CCT2: variants seen among roughly 807,000 people sequenced by gnomAD.
The protein encoded by CCT2 is T-complex protein 1 subunit beta.
CCT2 carries 18 observed loss-of-function variants against 61.8 expected under a neutral mutation model. The observed-to-expected ratio is 0.29, with a 90% confidence interval of 0.20 to 0.43. The LOEUF is 0.43. Among genes scored for constraint, CCT2 ranks in the 20% least tolerant of loss-of-function variants. The pLI is 1.00. For synonymous variants in CCT2, 248 were observed against 215.9 expected (o/e 1.15, Z -1.30); for missense variants, 556 against 656.9 (o/e 0.85, Z 1.68).
chr12:69,587,473 G>C (rs756967610), intron 3 of CCT2, 32 bp from the exon 4 acceptor site: 3 of 1,237,998 alleles, frequency 2.4e-6, no homozygotes, highest in African/African-American at 1.5e-5. Flanking sequence ...ATGTGCTTAT[G>C]TCTTAACTTG....
At chr12:69,597,068 C>A in intron 10 of CCT2, 88 bp from the exon 11 acceptor site, 1 of 1,186,168 alleles carries the variant, frequency 8.4e-7, no homozygotes, top group Non-Finnish European at 1.2e-6. Context: ...AAACACATTA[C>A]CTATCATTAT....
chr12:69,596,276 G>A (rs879119557), intron 10 of CCT2, among the ~76,000 whole-genome samples: 2 of 152,196 alleles, frequency 1.3e-5, no homozygotes, highest in Admixed American at 1.3e-4. Flanking sequence ...AAAGACCAGA[G>A]TCTTTATGAA....
chr12:69,586,381 CTG>C (rs1881657191), intron 2 of CCT2, 37 bp downstream of exon 2: 1 of 1,485,804 alleles, frequency 6.7e-7, no homozygotes, highest in African/African-American at 1.4e-5. Flanking sequence ...AAAGATAAAA[CTG>C]GAGGCCAGGC....
chr12:69,585,661 G>GCGGGGCGTGCGGCCTGCGC lies in CCT2; in HGVS notation c.3+139_3+157dup, dbSNP rs1327515565. ...CCTCCGCACATGGTGCGAGCCATGC[G>GCGGGGCGTGCGGCCTGCGC]CGGGGCGTGCGGCCTGCGCCAGGCC... On this transcript the variant is annotated intron_variant, in intron 1 of 15. Coordinates refer to ENST00000299300, the MANE Select transcript of CCT2 (RefSeq NM_006431.3). 4.6e-6 allele frequency: 7 copies of GCGGGGCGTGCGGCCTGCGC among 1,528,270 alleles called. No homozygotes were observed. In the African/African-American group the frequency reaches 8.2e-5, roughly 18 times the overall value. The allele number at this position is 1,528,270 out of a possible 1,614,324, so 94.7% of individuals were successfully genotyped here.
At chr12:69,589,243 A>G (rs1593095900) in intron 6 of CCT2, 3 of 518,624 alleles carry the variant, frequency 5.8e-6, no homozygotes, top group Admixed American at 3.4e-5. Flanking sequence ...CATTCTTGCC[A>G]ACATTAGACT....
chr12:69,586,783 G>T lies in CCT2; in HGVS notation c.109G>T (p.Asp37Tyr). 1 of 1,601,390 alleles carries T rather than the reference G, an allele frequency of 6.2e-7. No individual in the cohort carries two copies. Among genetic ancestry groups the T allele is most frequent in the Non-Finnish European group, 8.5e-7 (1 of 1,175,594 alleles). ...TSFIGAIAIG[D>Y]LVKSTLGPKG... Reference sequence around the variant, plus strand: ...TTTTATTGGTGCCATCGCCATTGGAGACTTGGTAAAGAGCACCTTGGGACC... The same window carrying T: ...TTTTATTGGTGCCATCGCCATTGGATACTTGGTAAAGAGCACCTTGGGACC... The change falls in exon 3 of 16, where the codon GAC (aspartate) becomes TAC (tyrosine). Residue 37 changes from aspartate (D) to tyrosine (Y), a missense_variant. Around this residue, in one of 3 missense-constraint regions of CCT2, gnomAD observed 308 missense variants for 350.6 expected, o/e 0.88. Transcript: ENST00000299300.
Position 69,587,982 on chromosome 12 carries a change from C to G in CCT2, c.309C>G (p.Thr103=), listed in dbSNP as rs773242699. Residue 103 remains threonine (T), a synonymous_variant, in exon 5 of 16, where the codon ACC becomes ACG. Transcript: ENST00000299300. Reference sequence around the variant, plus strand: ...TTGGTGATGGCACTACCTCTGTTACCGTTTTAGCAGCAGAATTATTAAGGG... The same window carrying G: ...TTGGTGATGGCACTACCTCTGTTACGGTTTTAGCAGCAGAATTATTAAGGG... ...DEVGDGTTSV[T]VLAAELLREA... The G allele has an allele frequency of 1.9e-6, 3 of 1,613,256 alleles. No individual in the cohort carries two copies. The African/African-American group carries it at 4.0e-5, about 22-fold the overall frequency.
intron 8 of CCT2, 46 bp from the exon 9 acceptor site, chr12:69,592,930 A>G (rs781530033): frequency 2.4e-5 from 38 of 1,592,312 alleles, no homozygotes; most frequent in Non-Finnish European, 3.1e-5. Flanking sequence ...TCAATCTCAA[A>G]AAAAATAATG....
At chr12:69,585,654 G>A in intron 1 of CCT2, 130 bp downstream of exon 1, 1 of 1,533,820 alleles carries the variant, frequency 6.5e-7, no homozygotes, top group Non-Finnish European at 8.8e-7. Context: ...CATGGTGCGA[G>A]CCATGCGCGG....
At chr12:69,594,168 T>TC (rs1309629524) in intron 10 of CCT2, among the ~76,000 whole-genome samples, 6 of 152,264 alleles carry the variant, frequency 3.9e-5, no homozygotes, top group African/African-American at 1.4e-4. Flanking sequence ...TATATTTTTT[T>TC]CTCACAAACC....
chr12:69,601,168 A>G, intron 15 of CCT2, 127 bp from the exon 16 acceptor site: 1 of 762,138 alleles, frequency 1.3e-6, no homozygotes, highest in South Asian at 1.9e-5. Flanking sequence ...GGGGACACAC[A>G]TGCAAACCAT....
At chr12:69,597,096 T>C in intron 10 of CCT2, 60 bp from the exon 11 acceptor site, 1 of 1,548,380 alleles carries the variant, frequency 6.5e-7, no homozygotes, top group Non-Finnish European at 8.9e-7. Flanking sequence ...TTACTGCTTA[T>C]TAGAAAACAG....
chr12:69,585,612 A>G (rs377616113), intron 1 of CCT2, 88 bp downstream of exon 1: 48 of 1,548,368 alleles, frequency 3.1e-5, no homozygotes, highest in Non-Finnish European at 4.0e-5. Flanking sequence ...CTAGGGTCGT[A>G]GGCTCCGTTT....
chr12:69,589,423 A>C, intron 6 of CCT2, 62 bp from the exon 7 acceptor site: 1 of 1,132,628 alleles, frequency 8.8e-7, no homozygotes, highest in Non-Finnish European at 1.3e-6. Flanking sequence ...TGACATGAAT[A>C]TCTAGATAAA....
At position 69,593,565 on chromosome 12, in the gene CCT2, A is replaced by G. The variant is rs751384274; in HGVS notation, c.934A>G (p.Ile312Val). ...QLFGAAGVMA[I>V]EHADFAGVER... is the part of the protein sequence containing the mutation. ...CTTTGGTGCTGCTGGTGTCATGGCT[A>G]TTGAGCATGCAGATTTTGCAGGTGT... The change falls in exon 10 of 16, where the codon ATT becomes GTT. Residue 312 changes from isoleucine (I) to valine (V), a missense_variant. Transcript: ENST00000299300. 3 of 1,613,482 alleles carry G rather than the reference A, an allele frequency of 1.9e-6. No individual in the cohort carries two copies. The highest frequency in any genetic ancestry group is 2.2e-5 in the East Asian group (1 of 44,852).
At chr12:69,598,248 G>A in intron 13 of CCT2, 74 bp from the exon 14 acceptor site, 3 of 1,168,544 alleles carry the variant, frequency 2.6e-6, no homozygotes, top group Non-Finnish European at 3.7e-6. Context: ...ATTTTAAAAA[G>A]CTATCCTAGT....
At chr12:69,587,903 G>T (rs756991900) in intron 4 of CCT2, 27 bp from the exon 5 acceptor site, 1 of 1,546,290 alleles carries the variant, frequency 6.5e-7, no homozygotes, top group Admixed American at 1.7e-5. Flanking sequence ...AAGCAATTTT[G>T]AGTTAATAAC....
At chr12:69,597,038 C>A in intron 10 of CCT2, 118 bp from the exon 11 acceptor site, 1 of 801,720 alleles carries the variant, frequency 1.2e-6, no homozygotes, top group Non-Finnish European at 2.0e-6. Flanking sequence ...ATATAATCAG[C>A]AATCAATTTT....
intron 14 of CCT2, among the ~76,000 whole-genome samples, chr12:69,599,539 C>G (rs892981679): frequency 6.6e-6 from 1 of 152,038 alleles, no homozygotes; most frequent in Admixed American, 6.6e-5. Flanking sequence ...AGGTGCCCAC[C>G]ACCATGCCCG....
Sources: allele counts gnomAD v4.1 joint callset (sites outside exome capture counted in the v4.1 genomes callset), GRCh38; gene constraint gnomAD v4.1.1; regional missense constraint gnomAD v4.1.1; transcripts MANE v1.5; gene names NCBI Gene and HGNC (gene_info 2026-07-23, HGNC 2026-07-21).